The following INTS4 variants were observed in gnomAD, a reference collection of about 807,000 sequenced individuals.
INTS4 encodes MSTP093.
In INTS4, 70 loss-of-function variants were observed where a neutral mutation model predicts 119.5. That is an observed-to-expected ratio of 0.59 (90% CI 0.48 to 0.71). The LOEUF is 0.71. Among genes scored for constraint, INTS4 ranks in the 30% least tolerant of loss-of-function variants. INTS4 has a pLI of 0.00. For synonymous variants in INTS4, 316 were observed against 419.6 expected (o/e 0.75, Z 3.02); for missense variants, 867 against 1,173.2 (o/e 0.74, Z 3.81).
chr11:77,909,086 G>T (rs945195009), intron 15 of INTS4, among the ~76,000 whole-genome samples: 1 of 152,220 alleles, frequency 6.6e-6, no homozygotes, highest in Non-Finnish European at 1.5e-5. Flanking sequence ...TGGTGTGTCT[G>T]TCTGTCTCTC....
rs777434800 is a variant in INTS4 at position 77,982,136 on chromosome 11, CT to C, written c.247-561del. The stretch of plus-strand genomic sequence containing the variant: ...AGAAAGAATCTTTCATTCTACCTGT[CT>C]TTTTTTTTTTTTTTTTTTGAAACAG... On this transcript the variant is annotated intron_variant, in intron 2 of 22. Transcript: ENST00000534064. Among the ~76,000 whole-genome samples, 537 of 131,298 alleles carry C rather than the reference CT, an allele frequency of 4.1e-3. 2 individuals are homozygous for C. The highest frequency in any genetic ancestry group is 0.013 in the South Asian group (56 of 4,162). The allele number at this position is 131,298 out of a possible 152,430, so 86.1% of individuals were successfully genotyped here.
intron 18 of INTS4, chr11:77,900,488 G>A (rs572965691): frequency 5.4e-4 from 311 of 571,538 alleles, no homozygotes; most frequent in African/African-American, 5.2e-3. Flanking sequence ...TTATTTTTCA[G>A]GATGTTATTT....
At chr11:77,965,690 T>C (rs771149288) in intron 4 of INTS4, among the ~76,000 whole-genome samples, 8 of 152,236 alleles carry the variant, frequency 5.3e-5, no homozygotes, top group Non-Finnish European at 1.0e-4. Context: ...TAGTATTCCA[T>C]TGCATGTTAT....
At chr11:77,993,750 C>A (rs1477355646) in intron 1 of INTS4, among the ~76,000 whole-genome samples, 3 of 152,092 alleles carry the variant, frequency 2.0e-5, no homozygotes, top group Non-Finnish European at 4.4e-5. Context: ...GTCTAAGGAT[C>A]TAAGAATGCA....
intron 4 of INTS4, among the ~76,000 whole-genome samples, chr11:77,968,193 CATT>C (rs1298465126): frequency 6.6e-6 from 1 of 152,052 alleles, no homozygotes. Flanking sequence ...ACTGAAATGT[CATT>C]ATTATGTGAT....
At chr11:77,892,133 T>G (rs1203674148) in intron 19 of INTS4, among the ~76,000 whole-genome samples, 1 of 152,238 alleles carries the variant, frequency 6.6e-6, no homozygotes, top group Non-Finnish European at 1.5e-5. Context: ...TATTTTCGTA[T>G]TATAGATTCA....
At chr11:77,949,684 T>C (rs1486816494) in intron 8 of INTS4, among the ~76,000 whole-genome samples, 2 of 152,176 alleles carry the variant, frequency 1.3e-5, no homozygotes, top group Admixed American at 6.5e-5. Flanking sequence ...CTCACACCAG[T>C]TAGAATGGCA....
chr11:77,898,593 T>C (rs111684421), intron 18 of INTS4, among the ~76,000 whole-genome samples: 1 of 152,254 alleles, frequency 6.6e-6, no homozygotes, highest in Non-Finnish European at 1.5e-5. Flanking sequence ...TGTTTAACTT[T>C]TTATGCTGAT....
intron 17 of INTS4, among the ~76,000 whole-genome samples, chr11:77,902,321 G>A (rs941070490): frequency 3.9e-5 from 6 of 152,076 alleles, no homozygotes; most frequent in African/African-American, 1.2e-4. Context: ...TACAGCAATG[G>A]TAATTCCTTT....
chr11:77,953,896 C>T (rs893122041), intron 8 of INTS4, among the ~76,000 whole-genome samples: 2 of 149,606 alleles, frequency 1.3e-5, no homozygotes, highest in Non-Finnish European at 3.0e-5. Context: ...CCCGGGTAAC[C>T]TCTGCCTCCC....
intron 14 of INTS4, among the ~76,000 whole-genome samples, chr11:77,920,964 A>G (rs931685855): frequency 6.6e-6 from 1 of 151,802 alleles, no homozygotes; most frequent in Non-Finnish European, 1.5e-5. Context: ...CCTAATATCA[A>G]TAACCCAGGG....
chr11:77,952,020 G>A (rs577414282), intron 8 of INTS4, among the ~76,000 whole-genome samples: 6 of 152,334 alleles, frequency 3.9e-5, no homozygotes, highest in African/African-American at 1.4e-4. Context: ...AACAACAGGT[G>A]CTGGAGAGGA....
chr11:77,956,220 G>A (rs1458544672), intron 7 of INTS4, among the ~76,000 whole-genome samples, 158 bp from the exon 8 acceptor site: 5 of 152,086 alleles, frequency 3.3e-5, no homozygotes, highest in Non-Finnish European at 7.3e-5. Context: ...ACCAACCTGA[G>A]CAATATGGCA....
At chr11:77,929,748 T>C (rs1011177069) in intron 10 of INTS4, among the ~76,000 whole-genome samples, 10 of 152,142 alleles carry the variant, frequency 6.6e-5, no homozygotes, top group Non-Finnish European at 1.5e-4. Context: ...TGGAGGGTGA[T>C]CTTGAATAAG....
chr11:77,878,553 C>A (rs1000189282), downstream of INTS4: 1 of 503,550 alleles, frequency 2.0e-6, no homozygotes, highest in Admixed American at 3.7e-5. Flanking sequence ...GTTGCCCTGA[C>A]AAACACACCG....
chr11:77,937,735 C>T (rs1255132295), intron 10 of INTS4, among the ~76,000 whole-genome samples: 2 of 151,838 alleles, frequency 1.3e-5, no homozygotes, highest in African/African-American at 4.8e-5. Flanking sequence ...CAGAGTGAGA[C>T]CCTGTCTCAA....
chr11:77,933,386 C>T (rs1277002287), intron 10 of INTS4, among the ~76,000 whole-genome samples: 1 of 32,650 alleles, frequency 3.1e-5, no homozygotes, highest in African/African-American at 1.4e-4. Context: ...CCACGTCTGA[C>T]TGGTTTTCGT....
At chr11:77,883,495 G>C (rs1951872441) in intron 22 of INTS4, among the ~76,000 whole-genome samples, 1 of 152,184 alleles carries the variant, frequency 6.6e-6, no homozygotes, top group Non-Finnish European at 1.5e-5. Flanking sequence ...GGAGAGACTT[G>C]TCTAAGGTGA....
intron 10 of INTS4, among the ~76,000 whole-genome samples, chr11:77,931,012 A>C (rs1362690026): frequency 6.6e-6 from 1 of 152,218 alleles, no homozygotes; most frequent in African/African-American, 2.4e-5. Context: ...AACAAAAGCA[A>C]GACTATCCCC....
Sources: allele counts gnomAD v4.1 joint callset (sites outside exome capture counted in the v4.1 genomes callset), GRCh38; gene constraint gnomAD v4.1.1; transcripts MANE v1.5; gene names NCBI Gene and HGNC (gene_info 2026-07-23, HGNC 2026-07-21).